The following LRP1B variants were observed in gnomAD, a reference collection of about 807,000 sequenced individuals.
LRP1B encodes LDL receptor related protein 1B.
In LRP1B, 217 loss-of-function variants were observed where a neutral mutation model predicts 556.6. The ratio of observed to expected loss-of-function variants is 0.39; its 90% CI spans 0.35 to 0.44. The LOEUF (loss-of-function observed/expected upper bound fraction) is 0.44, where lower values mean the gene tolerates loss of function less well. LRP1B is among the 20% of genes least tolerant of loss of function. The probability of loss-of-function intolerance (pLI) is 1.00; values close to 1 mark genes in which losing one functional copy is unlikely to be tolerated. For missense variants in LRP1B, 5,053 were observed against 5,620.8 expected (o/e 0.90, Z 3.23); for synonymous variants, 2,047 against 1,865.8 (o/e 1.10, Z -2.50).
chr2:142,024,743 G>A (rs1174302300), intron 1 of LRP1B, among the ~76,000 whole-genome samples: 1 of 150,494 alleles, frequency 6.6e-6, no homozygotes, highest in Non-Finnish European at 1.5e-5. Context: ...GGCTTTTACA[G>A]CTGCTCTATA....
chr2:140,475,972 G>A (rs1212483108), intron 59 of LRP1B, among the ~76,000 whole-genome samples: 1 of 151,908 alleles, frequency 6.6e-6, no homozygotes, highest in African/African-American at 2.4e-5. Flanking sequence ...AGTTCTACTG[G>A]ACAGCAGTGA....
At chr2:140,995,134 C>A (rs1446978936) in intron 15 of LRP1B, among the ~76,000 whole-genome samples, 1 of 151,990 alleles carries the variant, frequency 6.6e-6, no homozygotes, top group African/African-American at 2.4e-5. Flanking sequence ...CTGAAACAAT[C>A]TGCTGCAGCT....
chr2:140,909,330 A>C (rs952575990), intron 21 of LRP1B, among the ~76,000 whole-genome samples: 1 of 152,148 alleles, frequency 6.6e-6, no homozygotes, highest in Non-Finnish European at 1.5e-5. Flanking sequence ...TATATCCAAA[A>C]GTCATTAGGT....
intron 9 of LRP1B, among the ~76,000 whole-genome samples, chr2:141,057,715 G>T (rs565517672): frequency 6.6e-6 from 1 of 151,946 alleles, no homozygotes; most frequent in African/African-American, 2.4e-5. Context: ...CCAGCCATGT[G>T]GAACTGTAAG....
chr2:141,483,884 T>C (rs1292274838), intron 2 of LRP1B, among the ~76,000 whole-genome samples: 2 of 150,408 alleles, frequency 1.3e-5, no homozygotes, highest in Non-Finnish European at 3.0e-5. Flanking sequence ...GATGAGTAGG[T>C]TGCAAAAATT....
chr2:141,431,618 C>A (rs1331868518), intron 3 of LRP1B, among the ~76,000 whole-genome samples: 1 of 152,170 alleles, frequency 6.6e-6, no homozygotes, highest in African/African-American at 2.4e-5. Flanking sequence ...ATCCATGAAC[C>A]TGGAAAGTCC....
chr2:142,037,960 C>T (rs533365073), intron 1 of LRP1B, among the ~76,000 whole-genome samples: 12 of 151,546 alleles, frequency 7.9e-5, no homozygotes, highest in African/African-American at 1.9e-4. Context: ...TGATAGAAGG[C>T]GCCACCTAAC....
In LRP1B at chr2:141,492,933, T is replaced by C. The variant is rs141629023; in HGVS notation, c.206-12400A>G. ...AATGACATTAACTCTGAAAACGATT[T>C]TATGATACACTTTTAATGAAAACAA... On this transcript the variant is annotated intron_variant, in intron 2 of 90. Transcript: ENST00000389484. Among the ~76,000 whole-genome samples, 400 of 152,296 alleles carry C rather than the reference T, an allele frequency of 2.6e-3. 1 individual carries two copies. Among genetic ancestry groups the C allele is most frequent in the Non-Finnish European group, 4.2e-3 (287 of 68,010 alleles).
intron 43 of LRP1B, among the ~76,000 whole-genome samples, chr2:140,588,831 C>A (rs555976041): frequency 5.2e-5 from 3 of 57,242 alleles, no homozygotes; most frequent in Non-Finnish European, 7.7e-5. Flanking sequence ...TGGTGGCACA[C>A]GCCTGTAGTC....
intron 1 of LRP1B, among the ~76,000 whole-genome samples, chr2:141,857,277 C>T (rs74333332): frequency 6.6e-6 from 1 of 151,852 alleles, no homozygotes; most frequent in Non-Finnish European, 1.5e-5. Flanking sequence ...CATTATCATA[C>T]AATTAGAAGG....
chr2:141,624,805 T>C (rs1341272885), intron 2 of LRP1B, among the ~76,000 whole-genome samples: 1 of 152,218 alleles, frequency 6.6e-6, no homozygotes, highest in Non-Finnish European at 1.5e-5. Context: ...GGTCTCGCGC[T>C]GTCACCCATG....
chr2:141,806,161 A>T (rs1362264508), intron 2 of LRP1B, among the ~76,000 whole-genome samples: 1 of 152,124 alleles, frequency 6.6e-6, no homozygotes, highest in Non-Finnish European at 1.5e-5. Flanking sequence ...TTCCACAGAA[A>T]ATTCTAGAAG....
rs1353943199 is a variant in LRP1B, at chr2:140,918,363, A to G, written c.3319+4602T>C. On this transcript the variant is annotated intron_variant, in intron 21 of 90. Transcript: ENST00000389484. ...ATATGTATTGGTTTAAGTTTATTAA[A>G]CACATTTAATAAAGCTTTAAATAAA... 2.6e-5 allele frequency among the ~76,000 whole-genome samples: 4 copies of G among 152,082 alleles called. No homozygotes were observed. In the East Asian group the frequency reaches 7.7e-4, roughly 29 times the overall value.
intron 23 of LRP1B, among the ~76,000 whole-genome samples, chr2:140,893,125 G>C (rs575672094): frequency 6.6e-6 from 1 of 152,200 alleles, no homozygotes; most frequent in East Asian, 1.9e-4. Flanking sequence ...AGGAAGTGAG[G>C]AGTGTAATCA....
At chr2:142,012,823 C>T (rs1191975) in intron 1 of LRP1B, among the ~76,000 whole-genome samples, 82,179 of 151,952 alleles carry the variant, frequency 0.54, 22,530 homozygotes, top group African/African-American at 0.59. Flanking sequence ...TTCTACTATA[C>T]CAGATCTAAT....
intron 58 of LRP1B, 91 bp from the exon 59 acceptor site, chr2:140,485,615 T>G (rs1688434343): frequency 3.5e-6 from 3 of 850,200 alleles, no homozygotes. Flanking sequence ...GATATAGAAT[T>G]CCATTTAAAT....
chr2:141,014,968 C>T (rs1351380322), intron 13 of LRP1B, among the ~76,000 whole-genome samples: 1 of 151,950 alleles, frequency 6.6e-6, no homozygotes, highest in Non-Finnish European at 1.5e-5. Context: ...GGTTTTCTTT[C>T]CAAAAAGAAA....
chr2:142,072,825 G>T (rs1453083946), intron 1 of LRP1B, among the ~76,000 whole-genome samples: 1 of 151,912 alleles, frequency 6.6e-6, no homozygotes, highest in Non-Finnish European at 1.5e-5. Flanking sequence ...AATATGTATT[G>T]AATATAATTG....
intron 22 of LRP1B, among the ~76,000 whole-genome samples, chr2:140,903,840 T>C (rs115376840): frequency 0.01 from 1,526 of 151,956 alleles, 17 homozygotes; most frequent in Non-Finnish European, 0.015. Context: ...TCCTGGTATT[T>C]TGTCTGAAAT....
Sources: allele counts gnomAD v4.1 joint callset (sites outside exome capture counted in the v4.1 genomes callset), GRCh38; gene constraint gnomAD v4.1.1; transcripts MANE v1.5; gene names NCBI Gene and HGNC (gene_info 2026-07-23, HGNC 2026-07-21).